FYB1: variants seen among roughly 807,000 people sequenced by gnomAD.
The protein encoded by FYB1 is FYN-binding protein 1.
In FYB1, 41 loss-of-function variants were observed where a neutral mutation model predicts 94.1. The ratio of observed to expected loss-of-function variants is 0.44; its 90% CI spans 0.34 to 0.57. The LOEUF (loss-of-function observed/expected upper bound fraction) is 0.57. Among genes scored for constraint, FYB1 ranks in the 20% least tolerant of loss-of-function variants. The pLI, the probability that FYB1 is intolerant of heterozygous loss-of-function variation, is 0.02. For missense variants in FYB1, 1,050 were observed against 976.8 expected, an observed-to-expected ratio of 1.07 and a Z score of -1.00; for synonymous variants, 367 against 353.2, an observed-to-expected ratio of 1.04 and a Z score of -0.44.
chr5:39,208,516 G>C (rs975379761), intron 1 of FYB1, among the ~76,000 whole-genome samples: 1 of 151,944 alleles, frequency 6.6e-6, no homozygotes, highest in Non-Finnish European at 1.5e-5. Context: ...TTACTTATTC[G>C]GTCTCAACTG....
chr5:39,182,502 G>A (rs1183468006), intron 2 of FYB1, among the ~76,000 whole-genome samples: 2 of 152,104 alleles, frequency 1.3e-5, no homozygotes, highest in South Asian at 2.1e-4. Flanking sequence ...ATTACATAAA[G>A]GCTTTCAAAA....
intron 12 of FYB1, among the ~76,000 whole-genome samples, chr5:39,124,486 C>A (rs547409860): frequency 3.3e-5 from 5 of 152,126 alleles, no homozygotes; most frequent in Admixed American, 3.3e-4. Context: ...TTTTTTGAAC[C>A]CCAAATGTTT....
At position 39,126,004 on chromosome 5, in the gene FYB1, C is replaced by A; in HGVS notation, c.2039G>T (p.Gly680Val). The A allele has an allele frequency of 1.2e-6, 2 of 1,612,982 alleles. No individual in the cohort carries two copies. Among genetic ancestry groups the A allele is most frequent in the Non-Finnish European group, 1.7e-6 (2 of 1,179,496 alleles). ...PKVSDSDNNE[G>V]SSFPAPPKQL... ...TTGGTTGGTTGACTCTTACGATGAACCTTCATTATTGTCTGAGTCAGAGAC... is the reference window on the plus strand; with the variant it reads ...TTGGTTGGTTGACTCTTACGATGAAACTTCATTATTGTCTGAGTCAGAGAC... Residue 680 changes from glycine (G) to valine (V), a missense_variant, in exon 12 of 19, where the codon GGT (glycine) becomes GTT (valine). By Grantham distance (109) the Gly-to-Val change is moderately radical. Coordinates refer to ENST00000512982, the MANE Select transcript of FYB1 (RefSeq NM_001465.6).
rs144830223 is a variant in FYB1 at position 39,205,505 on chromosome 5, G to A, written c.-27-2518C>T. On this transcript the variant is annotated intron_variant, in intron 1 of 18. Transcript: ENST00000512982. ...TAGTCATTCTGTAGTCCCTTCTCTC[G>A]CTGCATCGGTGAGGAAATGGAAAGC... 1.3e-4 allele frequency among the ~76,000 whole-genome samples: 20 copies of A among 152,180 alleles called. No individual in the cohort carries two copies. In the East Asian group the frequency reaches 3.5e-3, roughly 26 times the overall value.
rs1252348228 is a variant in FYB1 at position 39,263,084 on chromosome 5, T to A, written c.-28+11319A>T. Among the ~76,000 whole-genome samples, 3 of 152,162 alleles carry A rather than the reference T, an allele frequency of 2.0e-5. No individual in the cohort carries two copies. In the East Asian group the frequency reaches 5.8e-4, roughly 29 times the overall value. On this transcript the variant is annotated intron_variant, in intron 1 of 1. Coordinates refer to the FYB1 transcript ENST00000510188. ...GAGTATATGAGCATTTGTTGTATTA[T>A]GTGTTTCATAATAATTTAAAAAGAG...
At chr5:39,175,561 G>T (rs1237606127) in intron 2 of FYB1, among the ~76,000 whole-genome samples, 4 of 152,216 alleles carry the variant, frequency 2.6e-5, no homozygotes. Flanking sequence ...ACGCTGCTGT[G>T]TAATTTAATA....
chr5:39,182,516 C>T (rs893248890), intron 2 of FYB1, among the ~76,000 whole-genome samples: 2 of 152,142 alleles, frequency 1.3e-5, no homozygotes, highest in South Asian at 4.1e-4. Context: ...TTCAAAAAGA[C>T]TCAGGTCATG....
chr5:39,131,971 C>T (rs554879704), intron 9 of FYB1, among the ~76,000 whole-genome samples: 4 of 151,924 alleles, frequency 2.6e-5, no homozygotes, highest in Admixed American at 6.6e-5. Context: ...TGACAGGAGA[C>T]GAGAGGGAGA....
chr5:39,182,239 C>T (rs370869838), intron 2 of FYB1, among the ~76,000 whole-genome samples: 3 of 151,748 alleles, frequency 2.0e-5, no homozygotes, highest in African/African-American at 7.3e-5. Flanking sequence ...CCAGTGTGAA[C>T]AGAGTGCAGG....
At chr5:39,166,404 C>A (rs1455776795) in intron 2 of FYB1, among the ~76,000 whole-genome samples, 3 of 150,832 alleles carry the variant, frequency 2.0e-5, no homozygotes, top group African/African-American at 7.3e-5. Flanking sequence ...CCGTTGTACT[C>A]CAGTCTGGGC....
intron 2 of FYB1, among the ~76,000 whole-genome samples, chr5:39,158,416 G>A (rs764001686): frequency 1.3e-5 from 2 of 152,152 alleles, no homozygotes; most frequent in Admixed American, 1.3e-4. Context: ...TACCCAAAAT[G>A]GTGAGATTTT....
intron 7 of FYB1, among the ~76,000 whole-genome samples, chr5:39,136,641 T>TG (rs1741700174): frequency 6.6e-6 from 1 of 152,170 alleles, no homozygotes; most frequent in South Asian, 2.1e-4. Context: ...AGAAGTTAAG[T>TG]GAGAAGCCCA....
intron 7 of FYB1, among the ~76,000 whole-genome samples, chr5:39,136,106 G>T (rs1161785534): frequency 1.3e-5 from 2 of 152,048 alleles, no homozygotes; most frequent in Non-Finnish European, 2.9e-5. Context: ...GTCTCGCTCT[G>T]TTGCCCAGGC....
intron 2 of FYB1, among the ~76,000 whole-genome samples, chr5:39,194,378 A>T (rs927355442): frequency 6.6e-6 from 1 of 151,966 alleles, no homozygotes; most frequent in African/African-American, 2.4e-5. Context: ...AAAAATACTA[A>T]AGCTGGACGT....
chr5:39,260,974 A>G (rs916001460), intron 1 of FYB1, among the ~76,000 whole-genome samples: 1 of 152,118 alleles, frequency 6.6e-6, no homozygotes, highest in Admixed American at 6.6e-5. Context: ...GAAGGATTGT[A>G]TTAAATGGGC....
At chr5:39,125,029 T>C (rs986120279) in intron 12 of FYB1, among the ~76,000 whole-genome samples, 36 of 150,972 alleles carry the variant, frequency 2.4e-4, no homozygotes, top group Non-Finnish European at 2.4e-4. Flanking sequence ...ATGTGAGGGA[T>C]CATTAATTCA....
chr5:39,120,448 G>C (rs447307), intron 14 of FYB1, among the ~76,000 whole-genome samples: 86,686 of 151,974 alleles, frequency 0.57, 27,514 homozygotes, highest in South Asian at 0.72. Context: ...TTTGTAGCCT[G>C]TCCGCACACA....
At chr5:39,118,528 T>C (rs1739772965) in intron 16 of FYB1, among the ~76,000 whole-genome samples, 1 of 152,168 alleles carries the variant, frequency 6.6e-6, no homozygotes, top group Non-Finnish European at 1.5e-5. Context: ...CTAGAACTCA[T>C]GTTTCAGCAA....
chr5:39,110,758 C>A (rs1268020956), intron 16 of FYB1: 1 of 335,346 alleles, frequency 3.0e-6, no homozygotes. Context: ...TTATAAAAGT[C>A]ATTTATTGGT....
Sources: gnomAD v4.1 joint callset for allele counts (sites outside exome capture counted in the v4.1 genomes callset) on GRCh38, gnomAD v4.1.1 for gene constraint, MANE v1.5 for transcripts, NCBI Gene and HGNC (gene_info 2026-07-23, HGNC 2026-07-21) for gene names.